Variants in MYO16 observed in about 807,000 individuals in gnomAD.
MYO16 encodes unconventional myosin-XVI.
A neutral mutation model predicts 205.3 loss-of-function variants in MYO16; 94 were observed. That is an observed-to-expected ratio of 0.46 (90% CI 0.39 to 0.54). The LOEUF (loss-of-function observed/expected upper bound fraction) is 0.54. MYO16 is among the 20% of genes least tolerant of loss of function. The pLI, the probability that MYO16 is intolerant of heterozygous loss-of-function variation, is 0.00. For synonymous variants in MYO16, 988 were observed against 954.0 expected, an observed-to-expected ratio of 1.04 and a Z score of -0.66; for missense variants, 2,315 against 2,387.5, an observed-to-expected ratio of 0.97 and a Z score of 0.63.
At chr13:108,526,711 C>G in the MYO16 span, among the ~76,000 whole-genome samples, 1 of 152,168 alleles carries the variant, frequency 6.6e-6, no homozygotes, top group Non-Finnish European at 1.5e-5. Context: ...ATTCCTCAAC[C>G]TACCAAATTT....
Position 109,045,294 on chromosome 13 carries a change from C to T in MYO16, c.2797-1622C>T, listed in dbSNP as rs142497444. Among the ~76,000 whole-genome samples the T allele has an allele frequency of 2.6e-3, 394 of 152,286 alleles. 4 individuals are homozygous for T. The highest frequency in any genetic ancestry group is 9.4e-3 in the African/African-American group (390 of 41,546). On this transcript the variant is annotated intron_variant, in intron 23 of 34. Coordinates refer to ENST00000457511, the MANE Select transcript of MYO16 (RefSeq NM_001198950.3). ...CACACACGGATGTGTAGCAACATCT[C>T]TGCCCAACTATCACCCCCAGTTGTG...
intron 34 of MYO16, among the ~76,000 whole-genome samples, chr13:109,198,333 CT>C (rs1197643345): frequency 6.6e-6 from 1 of 152,110 alleles, no homozygotes; most frequent in East Asian, 1.9e-4. Context: ...CAAACCCTAA[CT>C]TCAGAAGCAT....
rs1183286373 is a variant in MYO16 at position 108,965,053 on chromosome 13, G to A, written c.2369+151G>A. The A allele has an allele frequency of 2.6e-5, 23 of 874,056 alleles. No homozygotes were observed. In the East Asian group the frequency reaches 5.4e-4, roughly 20 times the overall value. 54.1% of individuals were successfully genotyped at this position (874,056 alleles called of 1,614,324 possible). A position where few individuals can be genotyped will look rare whatever the true frequency, so the allele number is the denominator to read the frequency against. On this transcript the variant is annotated intron_variant, in intron 20 of 34. Transcript: ENST00000457511. ...TTAACAAGGTAATCTGACTTGATGGGTTTTAATGATTATTCTTTAGGAAGT... is the reference window on the plus strand; with the variant it reads ...TTAACAAGGTAATCTGACTTGATGGATTTTAATGATTATTCTTTAGGAAGT...
chr13:108,927,903 C>T (rs572723242), intron 16 of MYO16, among the ~76,000 whole-genome samples: 7 of 152,252 alleles, frequency 4.6e-5, no homozygotes, highest in Non-Finnish European at 8.8e-5. Context: ...CCTGAGCATG[C>T]GCTCTAGGCT....
In MYO16 at chr13:108,933,103, A is replaced by C. The variant is rs182159546; in HGVS notation, c.1925+22953A>C. 2.0e-5 allele frequency among the ~76,000 whole-genome samples: 3 copies of C among 152,254 alleles called. No homozygotes were observed. In the East Asian group the frequency reaches 5.8e-4, roughly 29 times the overall value. Reference sequence around the variant, plus strand: ...CAGAATGAGAATGTTCTCTTGGTGGAGCAGGAAAATCCAAGCAAAAGAAAG... The same window carrying C: ...CAGAATGAGAATGTTCTCTTGGTGGCGCAGGAAAATCCAAGCAAAAGAAAG... On this transcript the variant is annotated intron_variant, in intron 16 of 34. Transcript: ENST00000457511.
At chr13:108,560,397 A>C in the MYO16 span, among the ~76,000 whole-genome samples, 2 of 152,228 alleles carry the variant, frequency 1.3e-5, no homozygotes, top group Non-Finnish European at 2.9e-5. Flanking sequence ...GCTCAAGCCA[A>C]ATTTGTCAAG....
chr13:108,901,026 A>G (rs113944671), intron 15 of MYO16, among the ~76,000 whole-genome samples: 8,746 of 152,186 alleles, frequency 0.057, 400 homozygotes, highest in Middle Eastern at 0.22. Flanking sequence ...CCGGTCTCCC[A>G]CAGCACTCCC....
chr13:108,637,334 T>C (rs1880301122), intron 1 of MYO16, among the ~76,000 whole-genome samples: 1 of 152,176 alleles, frequency 6.6e-6, no homozygotes, highest in Non-Finnish European at 1.5e-5. Flanking sequence ...GTACCCTTCC[T>C]TTTAGGTTGT....
chr13:108,510,471 T>G, the MYO16 span, among the ~76,000 whole-genome samples: 15 of 130,620 alleles, frequency 1.1e-4, no homozygotes, highest in South Asian at 2.6e-4. Flanking sequence ...GTTTTTTTTT[T>G]TTTTTTTTTT....
At chr13:108,832,144 A>ATTTTTTTTT (rs10635580) in intron 9 of MYO16, among the ~76,000 whole-genome samples, 2 of 134,602 alleles carry the variant, frequency 1.5e-5, no homozygotes, top group African/African-American at 2.8e-5. Context: ...TTCCGTATGG[A>ATTTTTTTTT]TTTTTTTTTT....
intron 28 of MYO16, among the ~76,000 whole-genome samples, chr13:109,115,109 A>C (rs910706290): frequency 6.6e-5 from 10 of 151,862 alleles, no homozygotes; most frequent in Non-Finnish European, 1.5e-4. Context: ...CACTCCTAAA[A>C]ATTGTCTTTT....
intron 23 of MYO16, among the ~76,000 whole-genome samples, chr13:109,030,666 C>G (rs1033829701): frequency 1.3e-5 from 2 of 151,678 alleles, no homozygotes; most frequent in Non-Finnish European, 2.9e-5. Flanking sequence ...GTTGCACATA[C>G]ACGATGATTC....
intron 12 of MYO16, among the ~76,000 whole-genome samples, chr13:108,880,849 C>G (rs2139161931): frequency 6.6e-6 from 1 of 152,310 alleles, no homozygotes; most frequent in Non-Finnish European, 1.5e-5. Flanking sequence ...AATGTAGGCT[C>G]TTTCTTGGTT....
chr13:109,125,232 A>G lies in MYO16; in HGVS notation c.3656A>G (p.Asp1219Gly). The change falls in exon 30 of 35, where the codon GAT becomes GGT. Residue 1219 changes from aspartate to glycine, a missense_variant. By Grantham distance (94) the Asp-to-Gly change is moderately conservative (BLOSUM62 -1). Transcript: ENST00000457511. This position sits in a 1 kb window ranked among gnomAD's most constrained non-coding sequence, Gnocchi z 4.0. Reference protein sequence around the residue: ...NTEDMGLKTYDALVIQNASDI... With the variant: ...NTEDMGLKTYGALVIQNASDI... ...GAGGACATGGGGCTGAAAACCTACG[A>G]TGCCCTGGTCATTCAGAATGCTTCA... The G allele has an allele frequency of 1.2e-6, 2 of 1,614,158 alleles. No individual in the cohort carries two copies. Among genetic ancestry groups the G allele is most frequent in the Non-Finnish European group, 1.7e-6 (2 of 1,180,022 alleles).
intron 12 of MYO16, among the ~76,000 whole-genome samples, chr13:108,869,749 A>AAAAAG: frequency 6.8e-6 from 1 of 147,026 alleles, no homozygotes; most frequent in Non-Finnish European, 1.5e-5. Context: ...AAAAAAAAAA[A>AAAAAG]AAAAAAAAAA....
intron 25 of MYO16, 137 bp downstream of exon 25, chr13:109,052,612 C>T: frequency 3.0e-6 from 2 of 675,490 alleles, no homozygotes; most frequent in Non-Finnish European, 2.4e-6. Context: ...GAAAAGAATG[C>T]CTATCTGATG....
chr13:109,074,156 G>A (rs1320421107), intron 27 of MYO16, among the ~76,000 whole-genome samples: 1 of 151,892 alleles, frequency 6.6e-6, no homozygotes, highest in African/African-American at 2.4e-5. Flanking sequence ...CTTGTTTTTG[G>A]TAAAGAAAAA....
chr13:108,587,707 A>G, the MYO16 span, among the ~76,000 whole-genome samples: 1 of 152,192 alleles, frequency 6.6e-6, no homozygotes, highest in African/African-American at 2.4e-5. Flanking sequence ...TTATACATAT[A>G]TAACCAACAT....
intron 10 of MYO16, among the ~76,000 whole-genome samples, chr13:108,854,948 C>T (rs1263351119): frequency 6.6e-6 from 1 of 152,138 alleles, no homozygotes; most frequent in Non-Finnish European, 1.5e-5. Flanking sequence ...TGAAGTCTAC[C>T]TTTAAAACCT....
Sources: gnomAD v4.1 joint callset for allele counts (sites outside exome capture counted in the v4.1 genomes callset) on GRCh38, gnomAD v4.1.1 for gene constraint, Gnocchi (gnomAD v3.1) non-coding constraint, MANE v1.5 for transcripts, NCBI Gene and HGNC (gene_info 2026-07-23, HGNC 2026-07-21) for gene names.